SLCO4A1: variants seen among roughly 807,000 people sequenced by gnomAD.
SLCO4A1 encodes the protein colon organic anion transporter.
A neutral mutation model predicts 64.6 loss-of-function variants in SLCO4A1; 51 were observed. The ratio of observed to expected loss-of-function variants is 0.79; its 90% confidence interval spans 0.63 to 1.00. The LOEUF is 1.00. Ranked by LOEUF, SLCO4A1 falls within the 50% of genes least tolerant of loss-of-function variation. SLCO4A1 has a pLI of 0.00. For synonymous variants in SLCO4A1, 471 were observed against 444.9 expected (o/e 1.06, Z -0.74); for missense variants, 919 against 980.5 (o/e 0.94, Z 0.84).
At chr20:62,684,568 C>T (rs777464808) in intron 2 of SLCO4A1, among the ~76,000 whole-genome samples, 2 of 152,170 alleles carry the variant, frequency 1.3e-5, no homozygotes, top group Admixed American at 1.3e-4. Flanking sequence ...AGCACAGGGC[C>T]GGCCACCCTG....
rs1034614968 is a variant in SLCO4A1 at position 62,642,531 on chromosome 20, G to T, written c.-119G>T. The T allele has an allele frequency of 4.9e-6, 1 of 204,516 alleles. No individual in the cohort carries two copies. The highest frequency in any genetic ancestry group is 2.4e-5 in the African/African-American group (1 of 41,706). The allele number at this position is 204,516 out of a possible 1,614,324, so 12.7% of individuals were successfully genotyped here. A position where few individuals can be genotyped will look rare whatever the true frequency, so the allele number is the denominator to read the frequency against. On this transcript the variant is annotated 5_prime_UTR_variant, in exon 1 of 12. Coordinates refer to ENST00000217159, the MANE Select transcript of SLCO4A1 (RefSeq NM_016354.4). ...GCGTGGAGCGCTGCGCGGCGCGGCG[G>T]CCGGGCCCTCGAGACGGGGACGGTG...
chr20:62,668,284 C>A, intron 9 of SLCO4A1, 100 bp downstream of exon 9: 1 of 1,414,074 alleles, frequency 7.1e-7, no homozygotes, highest in South Asian at 1.2e-5. Flanking sequence ...AGGAAACACC[C>A]AGGTCTAAGC....
chr20:62,660,386 C>T, intron 3 of SLCO4A1, 26 bp from the exon 4 acceptor site: 1 of 1,595,152 alleles, frequency 6.3e-7, no homozygotes. Flanking sequence ...TGCACGCTGA[C>T]CCAGGTGCCA....
downstream of SLCO4A1, among the ~76,000 whole-genome samples, chr20:62,687,061 AC>A (rs1294831857): frequency 1.5e-5 from 2 of 136,410 alleles, no homozygotes; most frequent in Admixed American, 7.4e-5. Flanking sequence ...GGGAAAGGGC[AC>A]CCCCAAACAG....
chr20:62,655,664 G>A (rs117611812), intron 1 of SLCO4A1, among the ~76,000 whole-genome samples: 3,757 of 152,274 alleles, frequency 0.025, 73 homozygotes, highest in Middle Eastern at 0.037. Flanking sequence ...CATGGCTGCC[G>A]ACTGCAACTC....
chr20:62,657,256 T>G lies in SLCO4A1; in HGVS notation c.796+6T>G. 6.6e-7 allele frequency: 1 copy of G among 1,515,526 alleles called. No individual in the cohort carries two copies. Among genetic ancestry groups the G allele is most frequent in the Non-Finnish European group, 8.9e-7 (1 of 1,123,434 alleles). 93.9% of individuals were successfully genotyped at this position (1,515,526 alleles called of 1,614,324 possible). A position where few individuals can be genotyped will look rare whatever the true frequency, so the allele number is the denominator to read the frequency against. On this transcript the variant is annotated splice_donor_region_variant and intron_variant, in intron 2 of 11. Coordinates refer to ENST00000217159, the MANE Select transcript of SLCO4A1 (RefSeq NM_016354.4). ...CTGCTCGCCCGTCTACATTGGTGAG[T>G]GGGGCTGGCGGGGTAAGTGCTGGCA...
At position 62,657,274 on chromosome 20, in the gene SLCO4A1, T is replaced by C. The variant is rs6011446; in HGVS notation, c.796+24T>C. ...TGGTGAGTGGGGCTGGCGGGGTAAG[T>C]GCTGGCAGGGGTGGCTGAGGGCAGT... On this transcript the variant is annotated intron_variant, in intron 2 of 11. Coordinates refer to ENST00000217159, the MANE Select transcript of SLCO4A1 (RefSeq NM_016354.4). The C allele has an allele frequency of 2.5e-3, 3,773 of 1,498,646 alleles. 60 individuals are homozygous for C. The African/African-American group carries it at 0.04, about 16-fold the overall frequency. 92.8% of individuals were successfully genotyped at this position (1,498,646 alleles called of 1,614,324 possible).
chr20:62,660,911 C>A (rs377422643), intron 4 of SLCO4A1, among the ~76,000 whole-genome samples, 153 bp from the exon 5 acceptor site: 1 of 152,178 alleles, frequency 6.6e-6, no homozygotes, highest in Non-Finnish European at 1.5e-5. Flanking sequence ...GTTCCAGTGC[C>A]GCCTCCCCGG....
downstream of SLCO4A1, among the ~76,000 whole-genome samples, chr20:62,675,237 C>T (rs1320924679): frequency 6.6e-6 from 1 of 152,202 alleles, no homozygotes; most frequent in Non-Finnish European, 1.5e-5. Context: ...TGCTCATCGG[C>T]ATTGCAAGGC....
intron 11 of SLCO4A1, chr20:62,670,188 C>T (rs1396721215): frequency 6.6e-6 from 1 of 152,212 alleles, no homozygotes; most frequent in East Asian, 1.9e-4. Context: ...CTGTGATACG[C>T]CTTTCGCTTT....
At chr20:62,647,489 A>C (rs1488866246) in intron 1 of SLCO4A1, among the ~76,000 whole-genome samples, 1 of 152,218 alleles carries the variant, frequency 6.6e-6, no homozygotes, top group Non-Finnish European at 1.5e-5. Context: ...GGAAGCCGGG[A>C]CTGGGACATC....
Position 62,656,781 on chromosome 20 carries a change from G to A in SLCO4A1, c.327G>A (p.Leu109=). 6.2e-7 allele frequency: 1 copy of A among 1,612,862 alleles called. No individual in the cohort carries two copies. The highest frequency in any genetic ancestry group is 8.5e-7 in the Non-Finnish European group (1 of 1,179,908). Residue 109 remains leucine, a synonymous_variant, in exon 2 of 12, where the codon CTG becomes CTA. Coordinates refer to ENST00000217159, the MANE Select transcript of SLCO4A1 (RefSeq NM_016354.4). ...CGCCCAAGGGCATCCTGTTCTTCCT[G>A]TGTGCGGCCGCATTCCTGCAGGGGA... ...LNTPKGILFF[L]CAAAFLQGMT... is the part of the protein sequence containing the mutation.
chr20:62,676,472 T>G (rs1987599810), downstream of SLCO4A1, among the ~76,000 whole-genome samples: 1 of 152,138 alleles, frequency 6.6e-6, no homozygotes, highest in Non-Finnish European at 1.5e-5. Context: ...GATGATCCAA[T>G]TTAAAAATGG....
Position 62,668,139 on chromosome 20 carries a change from T to C in SLCO4A1, c.1766T>C (p.Phe589Ser), listed in dbSNP as rs1187758162. ...LLLVFIFVVI[F>S]FTFLSSIPAL... ...CTGGTTTTCATATTCGTTGTAATTT[T>C]CTTTACATTCCTCAGCAGCATTCCT... The change falls in exon 9 of 12, where the codon TTC becomes TCC. Residue 589 changes from phenylalanine (F) to serine (S), a missense_variant. By Grantham distance (155) the Phe-to-Ser change is radical. Transcript: ENST00000217159. 1 of 1,613,918 alleles carries C rather than the reference T, an allele frequency of 6.2e-7. No individual in the cohort carries two copies. Among genetic ancestry groups the C allele is most frequent in the Non-Finnish European group, 8.5e-7 (1 of 1,180,046 alleles).
rs1224481374 is a variant in SLCO4A1, at chr20:62,656,981, G to T, written c.527G>T (p.Gly176Val). The stretch of plus-strand genomic sequence containing the variant: ...CACAAGCCGCGCTGGCTGGGCTGGG[G>T]CGTGCTGCTTATGGGCACGGGGTCG... ...SGHKPRWLGW[G>V]VLLMGTGSLV... The change falls in exon 2 of 12, where the codon GGC (glycine) becomes GTC (valine). Residue 176 changes from glycine (G) to valine (V), a missense_variant. Transcript: ENST00000217159. The T allele has an allele frequency of 3.8e-6, 6 of 1,568,188 alleles. No individual in the cohort carries two copies. The highest frequency in any genetic ancestry group is 5.2e-6 in the Non-Finnish European group (6 of 1,152,010).
chr20:62,657,259 G>A lies in SLCO4A1; in HGVS notation c.796+9G>A, dbSNP rs1238897920. On this transcript the variant is annotated intron_variant, in intron 2 of 11. Transcript: ENST00000217159. The stretch of plus-strand genomic sequence containing the variant: ...CTCGCCCGTCTACATTGGTGAGTGG[G>A]GCTGGCGGGGTAAGTGCTGGCAGGG... The A allele has an allele frequency of 2.6e-6, 4 of 1,511,810 alleles. No individual in the cohort carries two copies. The South Asian group carries it at 3.7e-5, about 14-fold the overall frequency. 93.6% of individuals were successfully genotyped at this position (1,511,810 alleles called of 1,614,324 possible). A position where few individuals can be genotyped will look rare whatever the true frequency, so the allele number is the denominator to read the frequency against.
downstream of SLCO4A1, among the ~76,000 whole-genome samples, chr20:62,690,124 C>T (rs758441118): frequency 7.2e-5 from 11 of 152,216 alleles, no homozygotes; most frequent in Non-Finnish European, 1.6e-4. Context: ...CGGGTGCCCG[C>T]GATGGTCCTG....
chr20:62,673,426 A>G (rs1987421396), downstream of SLCO4A1, among the ~76,000 whole-genome samples: 1 of 143,386 alleles, frequency 7.0e-6, no homozygotes, highest in Non-Finnish European at 1.6e-5. Context: ...GGTCAGGATG[A>G]GGCTCGGGCA....
In SLCO4A1 at chr20:62,645,455, C is replaced by T. The variant is rs920501335; in HGVS notation, c.-97+2902C>T. On this transcript the variant is annotated intron_variant, in intron 1 of 11. Transcript: ENST00000217159. The surrounding 1 kb of genome is among the most constrained non-coding windows in gnomAD (Gnocchi z 4.2). ...TCAGGCTACGGTGAGGGTGAGGGTG[C>T]GGGTGAGGATGAGGGTGCGGGTGAG... Among the ~76,000 whole-genome samples the T allele has an allele frequency of 4.8e-5, 7 of 145,486 alleles. No homozygotes were observed. The highest frequency in any genetic ancestry group is 2.4e-4 in the South Asian group (1 of 4,098).
Sources: gnomAD v4.1 joint callset for allele counts (sites outside exome capture counted in the v4.1 genomes callset) on GRCh38, gnomAD v4.1.1 for gene constraint, Gnocchi (gnomAD v3.1) non-coding constraint, MANE v1.5 for transcripts, NCBI Gene and HGNC (gene_info 2026-07-23, HGNC 2026-07-21) for gene names.